SERGEF: variants seen among roughly 807,000 people sequenced by gnomAD.
SERGEF encodes the protein secretion regulating guanine nucleotide exchange factor.
Under a neutral mutation model 50.0 loss-of-function variants are expected in SERGEF, and 51 were observed. The observed-to-expected ratio is 1.02, with a 90% CI of 0.81 to 1.29. The LOEUF (loss-of-function observed/expected upper bound fraction) is 1.29, where lower values mean the gene tolerates loss of function less well. Among genes scored for constraint, SERGEF ranks in the 50% most tolerant of loss-of-function variants. SERGEF has a pLI of 0.00. For missense variants in SERGEF, 521 were observed against 557.0 expected (o/e 0.94, Z 0.65); for synonymous variants, 205 against 212.4 (o/e 0.97, Z 0.30).
chr11:17,876,457 GAA>G (rs1851237115), intron 10 of SERGEF, among the ~76,000 whole-genome samples: 2 of 152,156 alleles, frequency 1.3e-5, no homozygotes, highest in Admixed American at 6.5e-5. Context: ...CCAACCAAGA[GAA>G]AAGAGAAACC....
chr11:17,818,034 C>T (rs561346716), intron 10 of SERGEF, among the ~76,000 whole-genome samples: 8 of 152,300 alleles, frequency 5.3e-5, no homozygotes, highest in East Asian at 3.9e-4. Context: ...TTCCCTAAGA[C>T]GGACAGACTT....
intron 10 of SERGEF, among the ~76,000 whole-genome samples, chr11:17,810,495 T>C (rs147483073): frequency 3.9e-5 from 6 of 152,350 alleles, no homozygotes; most frequent in African/African-American, 1.4e-4. Context: ...CTACAGATCA[T>C]TGGCCCAACC....
intron 8 of SERGEF, among the ~76,000 whole-genome samples, chr11:17,961,605 G>A (rs867573194): frequency 6.6e-6 from 1 of 152,100 alleles, no homozygotes; most frequent in Non-Finnish European, 1.5e-5. Context: ...GCAGAATATG[G>A]TGCCACCATT....
intron 10 of SERGEF, among the ~76,000 whole-genome samples, chr11:17,817,812 C>G (rs1232121455): frequency 3.3e-5 from 5 of 152,126 alleles, no homozygotes; most frequent in African/African-American, 4.8e-5. Context: ...AGTATTCAAC[C>G]CAAAGGCTGC....
intron 10 of SERGEF, among the ~76,000 whole-genome samples, chr11:17,822,008 C>G (rs559580925): frequency 1.6e-4 from 24 of 152,292 alleles, no homozygotes; most frequent in African/African-American, 4.6e-4. Context: ...TCCAAAGAGT[C>G]CATGAGCCCC....
chr11:17,849,392 G>A (rs1850672769), intron 10 of SERGEF, among the ~76,000 whole-genome samples: 1 of 152,144 alleles, frequency 6.6e-6, no homozygotes, highest in Non-Finnish European at 1.5e-5. Flanking sequence ...CTTTGCAGCA[G>A]CTCTGGTATT....
intron 10 of SERGEF, chr11:17,846,709 C>T (rs1232271196): frequency 2.2e-6 from 1 of 456,156 alleles, no homozygotes; most frequent in African/African-American, 2.0e-5. Flanking sequence ...TTCTCTGCAA[C>T]TCCATTTCCA....
intron 10 of SERGEF, among the ~76,000 whole-genome samples, chr11:17,810,060 G>A (rs947869695): frequency 6.6e-6 from 1 of 152,142 alleles, no homozygotes; most frequent in African/African-American, 2.4e-5. Context: ...TGACCCTAGT[G>A]TATTCTTGGT....
chr11:18,010,545 T>C (rs1159853211), intron 1 of SERGEF, among the ~76,000 whole-genome samples: 1 of 152,198 alleles, frequency 6.6e-6, no homozygotes, highest in East Asian at 1.9e-4. Context: ...AAAAAGGACA[T>C]ACAGTGAAGC....
Position 17,788,164 on chromosome 11 carries a change from T to C in SERGEF, c.1298A>G (p.Lys433Arg), listed in dbSNP as rs756542803. Residue 433 changes from lysine to arginine, a missense_variant, in exon 11 of 11, where the codon AAA becomes AGA. Physicochemically the swap from Lys to Arg is conservative, Grantham distance 26 (BLOSUM62 2). Transcript: ENST00000265965. ...EDTESQKAMD[K>R]ERNWKERQSE... ...TTGTCTTTCCTTCCAGTTTCTCTCT[T>C]TGTCCATGGCTTTCTGAGATTCAGT... 6.3e-7 allele frequency: 1 copy of C among 1,592,556 alleles called. No homozygotes were observed. Among genetic ancestry groups the C allele is most frequent in the African/African-American group, 1.3e-5 (1 of 74,472 alleles).
chr11:17,883,609 T>A (rs1851375434), intron 9 of SERGEF, among the ~76,000 whole-genome samples: 1 of 152,208 alleles, frequency 6.6e-6, no homozygotes, highest in African/African-American at 2.4e-5. Flanking sequence ...GATTCTGTGA[T>A]CCTTCAGGTT....
At chr11:17,901,899 T>G (rs552390) in intron 9 of SERGEF, among the ~76,000 whole-genome samples, 1 of 151,970 alleles carries the variant, frequency 6.6e-6, no homozygotes, top group Non-Finnish European at 1.5e-5. Flanking sequence ...AACATGTTAC[T>G]TTTTTCTTAG....
intron 10 of SERGEF, among the ~76,000 whole-genome samples, chr11:17,841,591 A>C (rs61882417): frequency 0.14 from 21,773 of 152,146 alleles, 1,847 homozygotes; most frequent in East Asian, 0.34. Context: ...ACCCTCCATC[A>C]ATTCTCAAGG....
intron 9 of SERGEF, among the ~76,000 whole-genome samples, chr11:17,911,427 T>C (rs1293471573): frequency 6.7e-6 from 1 of 149,946 alleles, no homozygotes; most frequent in Non-Finnish European, 1.5e-5. Flanking sequence ...ATTTAATGTG[T>C]GTAATTTGAT....
chr11:17,805,555 G>A (rs1330142866), intron 10 of SERGEF, among the ~76,000 whole-genome samples: 1 of 152,230 alleles, frequency 6.6e-6, no homozygotes, highest in Non-Finnish European at 1.5e-5. Context: ...AGCACCTTGG[G>A]AAGAGAGGTG....
rs575135733 is a variant in SERGEF at position 18,013,011 on chromosome 11, G to T, written c.-1C>A. 2 of 1,389,876 alleles carry T rather than the reference G, an allele frequency of 1.4e-6. No individual in the cohort carries two copies. The highest frequency in any genetic ancestry group is 3.0e-5 in the East Asian group (1 of 32,860). 86.1% of individuals were successfully genotyped at this position (1,389,876 alleles called of 1,614,324 possible). A position where few individuals can be genotyped will look rare whatever the true frequency, so the allele number is the denominator to read the frequency against. Reference sequence around the variant, plus strand: ...CCGAGGCGCTGGGCTCGCGCTCCATGCGAGGACGCTCCGCCGGCGCTTCCG... The same window carrying T: ...CCGAGGCGCTGGGCTCGCGCTCCATTCGAGGACGCTCCGCCGGCGCTTCCG... On this transcript the variant is annotated 5_prime_UTR_variant, in exon 1 of 11. Coordinates refer to ENST00000265965, the MANE Select transcript of SERGEF (RefSeq NM_012139.4). The surrounding 1 kb of genome is among the most constrained non-coding windows in gnomAD (Gnocchi z 4.3).
chr11:17,882,511 C>T (rs184900807), intron 9 of SERGEF, among the ~76,000 whole-genome samples: 4 of 152,270 alleles, frequency 2.6e-5, no homozygotes, highest in South Asian at 2.1e-4. Context: ...CCAGCTGCCC[C>T]GTCCTGGCTA....
chr11:17,852,686 T>C (rs1177798181), intron 10 of SERGEF, among the ~76,000 whole-genome samples: 1 of 152,188 alleles, frequency 6.6e-6, no homozygotes, highest in East Asian at 1.9e-4. Context: ...AGCAAAGAAG[T>C]AGGTACAGAT....
chr11:17,854,348 A>G (rs1168055356), intron 10 of SERGEF, among the ~76,000 whole-genome samples: 1 of 152,156 alleles, frequency 6.6e-6, no homozygotes, highest in African/African-American at 2.4e-5. Flanking sequence ...GGCATCTTAC[A>G]CTCAGCTATG....
Sources: gnomAD v4.1 joint callset for allele counts (sites outside exome capture counted in the v4.1 genomes callset) on GRCh38, gnomAD v4.1.1 for gene constraint, Gnocchi (gnomAD v3.1) non-coding constraint, MANE v1.5 for transcripts, NCBI Gene and HGNC (gene_info 2026-07-23, HGNC 2026-07-21) for gene names.